MAF: variants seen among roughly 807,000 people sequenced by gnomAD.
The protein encoded by MAF is MAF bZIP transcription factor, also known as transcription factor Maf.
In MAF, 10 loss-of-function variants were observed where a neutral mutation model predicts 22.0. The ratio of observed to expected loss-of-function variants is 0.45; its 90% CI spans 0.28 to 0.77. MAF has a LOEUF of 0.77. Among genes scored for constraint, MAF ranks in the 30% least tolerant of loss-of-function variants. The probability of loss-of-function intolerance (pLI) is 0.12; values close to 1 mark genes in which losing one functional copy is unlikely to be tolerated. For synonymous variants in MAF, 337 were observed against 255.8 expected, an observed-to-expected ratio of 1.32 and a Z score of -3.03; for missense variants, 544 against 548.4, an observed-to-expected ratio of 0.99 and a Z score of 0.08.
downstream of MAF, among the ~76,000 whole-genome samples, chr16:79,590,956 A>G (rs1218124166): frequency 6.6e-6 from 1 of 152,156 alleles, no homozygotes; most frequent in Non-Finnish European, 1.5e-5. Flanking sequence ...GGATGAGGTC[A>G]TATAGAGAAC....
At chr16:79,331,968 G>A in the MAF span, among the ~76,000 whole-genome samples, 1 of 152,284 alleles carries the variant, frequency 6.6e-6, no homozygotes, top group East Asian at 1.9e-4. Context: ...TAACATTGCT[G>A]TTTGACTTTC....
the MAF span, among the ~76,000 whole-genome samples, chr16:79,324,770 T>C: frequency 6.6e-6 from 1 of 152,216 alleles, no homozygotes; most frequent in African/African-American, 2.4e-5. Flanking sequence ...ATTTGTTTTC[T>C]GCAGTTTCTA....
chr16:79,524,897 G>A, the MAF span, among the ~76,000 whole-genome samples: 5 of 152,316 alleles, frequency 3.3e-5, no homozygotes, highest in South Asian at 4.1e-4. Context: ...AGGAGACAAT[G>A]TGGCCAACAC....
At chr16:79,497,365 A>C in the MAF span, among the ~76,000 whole-genome samples, 4 of 151,432 alleles carry the variant, frequency 2.6e-5, no homozygotes, top group Non-Finnish European at 4.4e-5. Context: ...ATGCCCCTCA[A>C]CTCTCCTCAC....
the MAF span, among the ~76,000 whole-genome samples, chr16:79,356,351 G>A: frequency 8.5e-5 from 13 of 152,080 alleles, no homozygotes; most frequent in African/African-American, 1.4e-4. Context: ...TCATCATCTC[G>A]GGTGTCATGA....
chr16:79,416,213 G>T, the MAF span, among the ~76,000 whole-genome samples: 1 of 152,154 alleles, frequency 6.6e-6, no homozygotes, highest in East Asian at 1.9e-4. Flanking sequence ...TGGCTGAGCT[G>T]TGGCAGCAGA....
chr16:79,434,955 G>A, the MAF span, among the ~76,000 whole-genome samples: 7 of 152,220 alleles, frequency 4.6e-5, no homozygotes, highest in South Asian at 1.0e-3. Flanking sequence ...AATGGTCTGC[G>A]ACTGGTGATG....
the MAF span, among the ~76,000 whole-genome samples, chr16:79,461,448 G>C: frequency 6.6e-6 from 1 of 152,166 alleles, no homozygotes; most frequent in African/African-American, 2.4e-5. Context: ...CTCGGGCCAT[G>C]TCAGCTCAGC....
the MAF span, among the ~76,000 whole-genome samples, chr16:79,557,168 T>C: frequency 9.0e-6 from 1 of 111,184 alleles, no homozygotes; most frequent in South Asian, 3.0e-4. Context: ...GCAAGTGTAG[T>C]TTTTTTTATT....
At chr16:79,331,364 C>T in the MAF span, among the ~76,000 whole-genome samples, 6 of 152,272 alleles carry the variant, frequency 3.9e-5, no homozygotes, top group Admixed American at 2.0e-4. Flanking sequence ...CAGCTGGCCC[C>T]GCTTAGGGCA....
chr16:79,406,602 C>T, the MAF span, among the ~76,000 whole-genome samples: 1 of 152,180 alleles, frequency 6.6e-6, no homozygotes, highest in Non-Finnish European at 1.5e-5. Context: ...GATCTGATCA[C>T]CTCCCATAGG....
chr16:79,451,013 AC>A, the MAF span, among the ~76,000 whole-genome samples: 1 of 152,164 alleles, frequency 6.6e-6, no homozygotes, highest in Non-Finnish European at 1.5e-5. Context: ...ATCACTCCAC[AC>A]AAGGTAATCT....
chr16:79,233,831 A>C, the MAF span, among the ~76,000 whole-genome samples: 1 of 151,924 alleles, frequency 6.6e-6, no homozygotes, highest in South Asian at 2.1e-4. Context: ...GTTTCTACTG[A>C]AAATACAAAA....
the MAF span, among the ~76,000 whole-genome samples, chr16:79,237,062 T>C: frequency 6.6e-6 from 1 of 152,018 alleles, no homozygotes; most frequent in Admixed American, 6.6e-5. Flanking sequence ...GAGTGTGCCT[T>C]GAGACAGGGT....
chr16:79,547,534 A>T, the MAF span, among the ~76,000 whole-genome samples: 2 of 152,196 alleles, frequency 1.3e-5, no homozygotes, highest in African/African-American at 2.4e-5. Context: ...TATACTAAAA[A>T]AAAACCTTTG....
the MAF span, among the ~76,000 whole-genome samples, chr16:79,475,879 A>T: frequency 6.6e-6 from 1 of 151,908 alleles, no homozygotes; most frequent in East Asian, 1.9e-4. Context: ...CTCTTGTAAA[A>T]TCTCTTTCCC....
rs1005881837 is a variant in MAF, at chr16:79,599,203, C to T, written c.700G>A (p.Gly234Arg). 6 of 919,844 alleles carry T rather than the reference C, an allele frequency of 6.5e-6. No individual in the cohort carries two copies. The African/African-American group carries it at 7.4e-5, about 11-fold the overall frequency. 57.0% of individuals were successfully genotyped at this position (919,844 alleles called of 1,614,324 possible). ...GCCCCCGCCGCGCCCCCGCCGCCTC[C>T]GCCGCCGCCGCCGCCGCCGCCGCCC... ...AGGGGGGGGG[G>R]GGGGAAGAGG... The change falls in exon 1 of 2, where the codon GGA (glycine) becomes AGA (arginine). Residue 234 changes from glycine to arginine, a missense_variant. Physicochemically the swap from Gly to Arg is moderately radical, Grantham distance 125. Around this residue, in one of 5 missense-constraint regions of MAF, gnomAD observed 342 missense variants for 315.5 expected, o/e 1.08. Transcript: ENST00000326043.
chr16:79,441,344 G>A, the MAF span, among the ~76,000 whole-genome samples: 7 of 152,116 alleles, frequency 4.6e-5, no homozygotes, highest in East Asian at 3.9e-4. Context: ...TTAAAAATGG[G>A]GAAAGAGAAG....
At chr16:79,577,869 C>T in the MAF span, among the ~76,000 whole-genome samples, 1 of 152,086 alleles carries the variant, frequency 6.6e-6, no homozygotes, top group Non-Finnish European at 1.5e-5. Flanking sequence ...TTTAAAACTT[C>T]CATCGACCCC....
Sources: gnomAD v4.1 joint callset for allele counts (sites outside exome capture counted in the v4.1 genomes callset) on GRCh38, gnomAD v4.1.1 for gene constraint, gnomAD v4.1.1 regional missense constraint, MANE v1.5 for transcripts, NCBI Gene and HGNC (gene_info 2026-07-23, HGNC 2026-07-21) for gene names.